The following ERBB4 variants were observed in gnomAD, a reference collection of about 807,000 sequenced individuals.
ERBB4 encodes the protein erb-b2 receptor tyrosine kinase 4.
ERBB4 carries 42 observed loss-of-function variants against 158.0 expected under a neutral mutation model. The observed-to-expected ratio is 0.27, with a 90% confidence interval of 0.21 to 0.34. ERBB4 has a LOEUF of 0.34. Ranked by LOEUF, ERBB4 falls within the 10% of genes least tolerant of loss-of-function variation. The probability of loss-of-function intolerance (pLI) is 1.00; values close to 1 mark genes in which losing one functional copy is unlikely to be tolerated. For missense variants in ERBB4, 1,333 were observed against 1,624.1 expected, an observed-to-expected ratio of 0.82 and a Z score of 3.08; for synonymous variants, 583 against 558.7, an observed-to-expected ratio of 1.04 and a Z score of -0.61.
intron 2 of ERBB4, among the ~76,000 whole-genome samples, chr2:212,036,129 G>A (rs2077005964): frequency 6.6e-6 from 1 of 152,096 alleles, no homozygotes; most frequent in Admixed American, 6.5e-5. Context: ...AATATAGGAT[G>A]AGTCACCTTT....
At chr2:212,477,654 T>C (rs1689472712) in intron 1 of ERBB4, among the ~76,000 whole-genome samples, 1 of 152,182 alleles carries the variant, frequency 6.6e-6, no homozygotes, top group Non-Finnish European at 1.5e-5. Flanking sequence ...TTATTGCTTT[T>C]GAATCGCTCA....
chr2:211,475,364 T>C (rs2064928822), intron 20 of ERBB4, among the ~76,000 whole-genome samples: 1 of 152,088 alleles, frequency 6.6e-6, no homozygotes, highest in Non-Finnish European at 1.5e-5. Flanking sequence ...ATGACAATAA[T>C]GTCGGCCTCA....
At chr2:212,395,410 A>G (rs2090995139) in intron 1 of ERBB4, among the ~76,000 whole-genome samples, 1 of 151,924 alleles carries the variant, frequency 6.6e-6, no homozygotes, top group Non-Finnish European at 1.5e-5. Flanking sequence ...AAATAAATAA[A>G]TATAAAAGAA....
At chr2:211,769,213 T>C (rs577007546) in intron 4 of ERBB4, among the ~76,000 whole-genome samples, 3 of 152,286 alleles carry the variant, frequency 2.0e-5, no homozygotes, top group African/African-American at 7.2e-5. Context: ...TCCAAATAAA[T>C]TCCTCATATC....
At chr2:212,315,562 C>T (rs1243388178) in intron 1 of ERBB4, among the ~76,000 whole-genome samples, 1 of 151,472 alleles carries the variant, frequency 6.6e-6, no homozygotes, top group Non-Finnish European at 1.5e-5. Flanking sequence ...TGTACAAGAA[C>T]TCTAAAGAAT....
chr2:212,003,212 AGAAGGAAGGAAG>A (rs201981636), intron 2 of ERBB4, among the ~76,000 whole-genome samples: 6 of 40,514 alleles, frequency 1.5e-4, no homozygotes, highest in African/African-American at 3.2e-4. Context: ...AAAGACAGAA[AGAAGGAAGGAAG>A]GAAGGAAGGA....
At chr2:212,059,841 A>G (rs1165486473) in intron 2 of ERBB4, among the ~76,000 whole-genome samples, 1 of 152,228 alleles carries the variant, frequency 6.6e-6, no homozygotes, top group East Asian at 1.9e-4. Context: ...TAAAAACCCT[A>G]GAAGAAAACC....
At chr2:211,801,648 A>G (rs888383156) in intron 3 of ERBB4, among the ~76,000 whole-genome samples, 2 of 152,176 alleles carry the variant, frequency 1.3e-5, no homozygotes, top group African/African-American at 4.8e-5. Flanking sequence ...TTAAAAGTAG[A>G]AAGTTCTTAA....
At chr2:212,484,253 T>C (rs1022503557) in intron 1 of ERBB4, among the ~76,000 whole-genome samples, 3 of 152,220 alleles carry the variant, frequency 2.0e-5, no homozygotes, top group African/African-American at 7.2e-5. Flanking sequence ...TAGAACGTAA[T>C]CTAAAGTTCA....
intron 2 of ERBB4, among the ~76,000 whole-genome samples, chr2:212,012,340 G>C (rs898293465): frequency 6.6e-6 from 1 of 151,876 alleles, no homozygotes; most frequent in Non-Finnish European, 1.5e-5. Context: ...TATGGTCTGG[G>C]CCCTAAGGGG....
chr2:212,329,320 A>C (rs932098577), intron 1 of ERBB4, among the ~76,000 whole-genome samples: 1 of 152,066 alleles, frequency 6.6e-6, no homozygotes, highest in Non-Finnish European at 1.5e-5. Flanking sequence ...GGATTTTCTC[A>C]CAGCAACTTG....
At chr2:212,266,254 A>G (rs151195211) in intron 1 of ERBB4, among the ~76,000 whole-genome samples, 29 of 152,074 alleles carry the variant, frequency 1.9e-4, no homozygotes, top group African/African-American at 6.5e-4. Flanking sequence ...TTTTTCTCAA[A>G]TATCTTTTCT....
intron 1 of ERBB4, among the ~76,000 whole-genome samples, chr2:212,477,763 G>A (rs1560435636): frequency 6.6e-6 from 1 of 152,092 alleles, no homozygotes. Flanking sequence ...TCAGCACAGT[G>A]AGGACTAGGC....
At chr2:212,064,663 G>A (rs576420370) in intron 2 of ERBB4, among the ~76,000 whole-genome samples, 1 of 152,166 alleles carries the variant, frequency 6.6e-6, no homozygotes, top group African/African-American at 2.4e-5. Flanking sequence ...GGGTGGGCAA[G>A]CAGTGTTTAC....
intron 22 of ERBB4, among the ~76,000 whole-genome samples, chr2:211,427,732 GT>G (rs1199520848): frequency 5.3e-5 from 8 of 151,832 alleles, no homozygotes; most frequent in Middle Eastern, 3.4e-3. Flanking sequence ...AGTTGGTTTT[GT>G]TTTTGTTTGA....
At chr2:211,412,066 G>C (rs748631909) in intron 25 of ERBB4, among the ~76,000 whole-genome samples, 12 of 151,380 alleles carry the variant, frequency 7.9e-5, no homozygotes, top group Non-Finnish European at 1.5e-4. Context: ...ACAGAAGATA[G>C]GAATTTGAGA....
chr2:212,507,935 C>A (rs754996031), intron 1 of ERBB4, among the ~76,000 whole-genome samples: 2 of 152,214 alleles, frequency 1.3e-5, no homozygotes, highest in East Asian at 3.9e-4. Flanking sequence ...GCTGGAGAGA[C>A]ATTTTTCATG....
At chr2:211,718,917 T>C (rs1365122368) in intron 7 of ERBB4, among the ~76,000 whole-genome samples, 1 of 152,316 alleles carries the variant, frequency 6.6e-6, no homozygotes, top group East Asian at 1.9e-4. Context: ...CACTGTTTTA[T>C]TTTCTTAGGT....
chr2:212,233,060 G>A (rs2083724577), intron 1 of ERBB4, among the ~76,000 whole-genome samples: 1 of 152,136 alleles, frequency 6.6e-6, no homozygotes, highest in Non-Finnish European at 1.5e-5. Flanking sequence ...GAAGATACAA[G>A]TTGGGTAGGT....
Sources: gnomAD v4.1 joint callset for allele counts (sites outside exome capture counted in the v4.1 genomes callset) on GRCh38, gnomAD v4.1.1 for gene constraint, MANE v1.5 for transcripts, NCBI Gene and HGNC (gene_info 2026-07-23, HGNC 2026-07-21) for gene names.